Variants in NELL2 observed in about 807,000 individuals in gnomAD.
NELL2 encodes the protein protein kinase C-binding protein NELL2.
A neutral mutation model predicts 109.6 loss-of-function variants in NELL2; 41 were observed. The observed-to-expected ratio is 0.37, with a 90% confidence interval of 0.29 to 0.49. NELL2 has a LOEUF of 0.49. Ranked by LOEUF, NELL2 falls within the 20% of genes least tolerant of loss-of-function variation. The pLI, the probability that NELL2 is intolerant of heterozygous loss-of-function variation, is 0.98. For synonymous variants in NELL2, 355 were observed against 344.7 expected (o/e 1.03, Z -0.33); for missense variants, 900 against 1,008.3 (o/e 0.89, Z 1.45).
At position 44,650,946 on chromosome 12, in the gene NELL2, G is replaced by A. The variant is rs116841895; in HGVS notation, c.1444+14538C>T. On this transcript the variant is annotated intron_variant, in intron 13 of 19. Transcript: ENST00000429094. ...AAAATAAATTTCTGTTATTTAAGCC[G>A]GGGGTCCCCAAGGCCTGGGCCGTGG... Among the ~76,000 whole-genome samples the A allele has an allele frequency of 1.3e-3, 193 of 152,286 alleles. 3 individuals are homozygous for A. The East Asian group carries it at 0.026, about 21-fold the overall frequency.
intron 1 of NELL2, among the ~76,000 whole-genome samples, chr12:44,888,913 A>G (rs1945504448): frequency 6.6e-6 from 1 of 152,032 alleles, no homozygotes; most frequent in Non-Finnish European, 1.5e-5. Flanking sequence ...TAGTAAAAAG[A>G]AAGGAGTTTG....
intron 9 of NELL2, 21 bp downstream of exon 9, chr12:44,774,726 C>T: frequency 6.3e-7 from 1 of 1,579,592 alleles, no homozygotes; most frequent in Admixed American, 1.7e-5. Flanking sequence ...AGAAAGTATT[C>T]ATCATAAAAG....
At chr12:44,845,590 G>C (rs1282575886) in intron 2 of NELL2, among the ~76,000 whole-genome samples, 1 of 152,202 alleles carries the variant, frequency 6.6e-6, no homozygotes, top group Non-Finnish European at 1.5e-5. Flanking sequence ...TTTGATTACA[G>C]AGAAGCTGGG....
intron 2 of NELL2, among the ~76,000 whole-genome samples, chr12:44,826,875 C>A (rs372856591): frequency 6.6e-6 from 1 of 152,192 alleles, no homozygotes; most frequent in East Asian, 1.9e-4. Flanking sequence ...GGCGGATAAA[C>A]CCTTATTTTA....
chr12:44,632,865 AT>A (rs955624453), intron 13 of NELL2, among the ~76,000 whole-genome samples: 3 of 151,546 alleles, frequency 2.0e-5, no homozygotes, highest in Non-Finnish European at 4.4e-5. Context: ...TATCTCTATC[AT>A]TTTTTTTCTG....
At chr12:44,892,561 G>T (rs1033617518) in intron 1 of NELL2, among the ~76,000 whole-genome samples, 2 of 152,014 alleles carry the variant, frequency 1.3e-5, no homozygotes, top group Middle Eastern at 3.4e-3. Flanking sequence ...ACTTTGGGAG[G>T]CCGAGGCAGG....
intron 2 of NELL2, among the ~76,000 whole-genome samples, chr12:44,874,324 A>C (rs1348775743): frequency 6.6e-6 from 1 of 152,168 alleles, no homozygotes. Flanking sequence ...ACCAAACTCC[A>C]TTCTCTTTTG....
intron 1 of NELL2, among the ~76,000 whole-genome samples, chr12:44,894,287 T>C (rs933656656): frequency 2.0e-5 from 3 of 152,176 alleles, no homozygotes; most frequent in African/African-American, 7.2e-5. Context: ...GATGACAATG[T>C]TACTCTCAGG....
At chr12:44,746,679 C>A (rs1940378023) in intron 9 of NELL2, among the ~76,000 whole-genome samples, 1 of 152,048 alleles carries the variant, frequency 6.6e-6, no homozygotes, top group Non-Finnish European at 1.5e-5. Flanking sequence ...ATTTATGCAG[C>A]CAAAAAACAC....
chr12:44,872,161 T>C (rs11182727), intron 2 of NELL2, among the ~76,000 whole-genome samples: 6,060 of 152,216 alleles, frequency 0.04, 202 homozygotes, highest in East Asian at 0.18. Flanking sequence ...TAACCTTTCA[T>C]AGGTCTTTTT....
chr12:44,520,822 A>T (rs1941491646), intron 18 of NELL2, among the ~76,000 whole-genome samples: 1 of 152,216 alleles, frequency 6.6e-6, no homozygotes, highest in Non-Finnish European at 1.5e-5. Context: ...CTTTTTAAAA[A>T]TGTAGTTCCC....
intron 13 of NELL2, among the ~76,000 whole-genome samples, chr12:44,626,265 G>T (rs1466022306): frequency 6.6e-6 from 1 of 152,158 alleles, no homozygotes; most frequent in Non-Finnish European, 1.5e-5. Context: ...AGTGTGCCCT[G>T]CAATGTAGTC....
chr12:44,671,366 A>G (rs1048812144), intron 12 of NELL2, among the ~76,000 whole-genome samples: 1 of 152,182 alleles, frequency 6.6e-6, no homozygotes, highest in Non-Finnish European at 1.5e-5. Flanking sequence ...ACAATATAGC[A>G]ATGCACCTCA....
At chr12:44,747,497 C>G (rs1394119730) in intron 9 of NELL2, among the ~76,000 whole-genome samples, 1 of 151,764 alleles carries the variant, frequency 6.6e-6, no homozygotes, top group East Asian at 1.9e-4. Flanking sequence ...ATACATATAG[C>G]ATACAAAATA....
chr12:44,737,320 C>G (rs1341751379), intron 9 of NELL2, among the ~76,000 whole-genome samples: 1 of 132,862 alleles, frequency 7.5e-6, no homozygotes, highest in African/African-American at 2.6e-5. Context: ...TTGGGACAAA[C>G]AGTCTCAACA....
At chr12:44,824,713 CTTTTT>C (rs1159134863) in intron 2 of NELL2, among the ~76,000 whole-genome samples, 1 of 132,560 alleles carries the variant, frequency 7.5e-6, no homozygotes, top group Non-Finnish European at 1.6e-5. Context: ...ATTTTATTTA[CTTTTT>C]TTTTTTTTTT....
At chr12:44,892,309 G>A (rs1016083476) in intron 1 of NELL2, among the ~76,000 whole-genome samples, 2 of 151,996 alleles carry the variant, frequency 1.3e-5, no homozygotes, top group Admixed American at 6.6e-5. Context: ...TGTCCAACTG[G>A]GCAGGTCAAA....
At chr12:44,853,797 T>A (rs1411233948) in intron 2 of NELL2, among the ~76,000 whole-genome samples, 2 of 152,192 alleles carry the variant, frequency 1.3e-5, no homozygotes, top group Non-Finnish European at 2.9e-5. Flanking sequence ...TCTATTTTTA[T>A]AGTATAATTA....
intron 13 of NELL2, among the ~76,000 whole-genome samples, chr12:44,664,189 G>A (rs947145063): frequency 2.0e-5 from 3 of 151,778 alleles, no homozygotes; most frequent in Admixed American, 2.0e-4. Context: ...GTAGTCCTAC[G>A]TCAAGAAACT....
Sources: gnomAD v4.1 joint callset for allele counts (sites outside exome capture counted in the v4.1 genomes callset) on GRCh38, gnomAD v4.1.1 for gene constraint, MANE v1.5 for transcripts, NCBI Gene and HGNC (gene_info 2026-07-23, HGNC 2026-07-21) for gene names.